RAB3C: variants seen among roughly 807,000 people sequenced by gnomAD.
RAB3C encodes the protein RAB3C, member RAS oncogene family.
A neutral mutation model predicts 26.4 loss-of-function variants in RAB3C; 17 were observed. The ratio of observed to expected loss-of-function variants is 0.64; its 90% confidence interval spans 0.44 to 0.97. RAB3C has a LOEUF of 0.97. Among genes scored for constraint, RAB3C ranks in the 50% least tolerant of loss-of-function variants. RAB3C has a pLI of 0.00. For missense variants in RAB3C, 242 were observed against 281.9 expected (o/e 0.86, Z 1.01); for synonymous variants, 91 against 95.9 (o/e 0.95, Z 0.30).
chr5:58,681,443 A>G (rs1748341719), intron 2 of RAB3C, among the ~76,000 whole-genome samples: 1 of 152,278 alleles, frequency 6.6e-6, no homozygotes, highest in Non-Finnish European at 1.5e-5. Flanking sequence ...GTGATGAAGT[A>G]CTTTTTGTTC....
At chr5:58,610,677 A>T (rs1410517347) in intron 1 of RAB3C, among the ~76,000 whole-genome samples, 1 of 151,904 alleles carries the variant, frequency 6.6e-6, no homozygotes, top group African/African-American at 2.4e-5. Context: ...AATTTACCCT[A>T]GTTCCTCCTT....
chr5:58,788,817 T>C (rs1174104194), intron 3 of RAB3C, among the ~76,000 whole-genome samples: 1 of 152,252 alleles, frequency 6.6e-6, no homozygotes, highest in African/African-American at 2.4e-5. Flanking sequence ...CAATATTTGC[T>C]ACAGAAATCT....
intron 4 of RAB3C, among the ~76,000 whole-genome samples, chr5:58,833,950 C>T (rs1003076803): frequency 4.6e-5 from 7 of 152,028 alleles, no homozygotes; most frequent in African/African-American, 1.7e-4. Context: ...GGTGACCACC[C>T]CTTTCTTTTT....
chr5:58,626,166 G>T (rs747030751), intron 2 of RAB3C, among the ~76,000 whole-genome samples: 2 of 152,102 alleles, frequency 1.3e-5, no homozygotes, highest in African/African-American at 2.4e-5. Flanking sequence ...GTTTCTAGCT[G>T]CTTTCCTTTC....
chr5:58,783,517 G>A (rs1432309296), intron 3 of RAB3C, among the ~76,000 whole-genome samples: 1 of 152,144 alleles, frequency 6.6e-6, no homozygotes, highest in African/African-American at 2.4e-5. Context: ...AGTAATTTGT[G>A]TTTCTGCTGA....
At position 58,853,896 on chromosome 5, in the gene RAB3C, C is replaced by A. The variant is rs1235637403; in HGVS notation, c.*2545C>A. On this transcript the variant is annotated 3_prime_UTR_variant, in exon 5 of 5. Transcript: ENST00000282878. Reference sequence around the variant, plus strand: ...TTAAATGCTCCTGCTGTAATTGCATCAAAAAATCCGGGTTTTAACATCAAA... The same window carrying A: ...TTAAATGCTCCTGCTGTAATTGCATAAAAAAATCCGGGTTTTAACATCAAA... 6.6e-6 allele frequency: 1 copy of A among 152,036 alleles called. No individual in the cohort carries two copies. Among genetic ancestry groups the A allele is most frequent in the African/African-American group, 2.4e-5 (1 of 41,402 alleles). The allele number at this position is 152,036 out of a possible 1,614,324, so 9.4% of individuals were successfully genotyped here. A position where few individuals can be genotyped will look rare whatever the true frequency, so the allele number is the denominator to read the frequency against.
chr5:58,818,803 A>T (rs889211014), intron 3 of RAB3C, among the ~76,000 whole-genome samples: 4 of 152,260 alleles, frequency 2.6e-5, no homozygotes, highest in African/African-American at 9.6e-5. Flanking sequence ...ATGATTGGAA[A>T]TGTGTCCCTC....
intron 4 of RAB3C, among the ~76,000 whole-genome samples, chr5:58,843,865 T>A (rs944284960): frequency 1.4e-4 from 22 of 152,212 alleles, no homozygotes; most frequent in African/African-American, 4.6e-4. Context: ...TCTCTTTCTC[T>A]CCATTTCCCC....
chr5:58,621,945 A>T (rs533901577), intron 2 of RAB3C, among the ~76,000 whole-genome samples: 1 of 152,270 alleles, frequency 6.6e-6, no homozygotes, highest in East Asian at 1.9e-4. Context: ...TTTCTACTTG[A>T]TGGTTTGCTT....
intron 2 of RAB3C, among the ~76,000 whole-genome samples, chr5:58,677,627 A>G (rs1043915043): frequency 8.6e-5 from 10 of 116,260 alleles, no homozygotes; most frequent in Non-Finnish European, 1.8e-4. Context: ...ATTGACACCA[A>G]TGCTCAATAA....
chr5:58,827,212 G>C (rs943846314), intron 4 of RAB3C, among the ~76,000 whole-genome samples: 1 of 152,208 alleles, frequency 6.6e-6, no homozygotes, highest in Non-Finnish European at 1.5e-5. Context: ...CAAAGAAAGA[G>C]AGGGAGGAAA....
At chr5:58,825,400 C>A (rs949968965) in intron 4 of RAB3C, among the ~76,000 whole-genome samples, 1 of 152,150 alleles carries the variant, frequency 6.6e-6, no homozygotes, top group Non-Finnish European at 1.5e-5. Context: ...GGTCTTAGTA[C>A]AAGGTATTTA....
chr5:58,605,387 G>A (rs547585579), intron 1 of RAB3C, among the ~76,000 whole-genome samples: 4 of 152,066 alleles, frequency 2.6e-5, no homozygotes, highest in Non-Finnish European at 5.9e-5. Flanking sequence ...AGATGATTTT[G>A]GTTCTGCATG....
At chr5:58,691,921 T>C (rs1373216406) in intron 2 of RAB3C, among the ~76,000 whole-genome samples, 1 of 152,198 alleles carries the variant, frequency 6.6e-6, no homozygotes, top group African/African-American at 2.4e-5. Context: ...TCACAAAATG[T>C]GATTGTGTTC....
intron 2 of RAB3C, among the ~76,000 whole-genome samples, chr5:58,708,064 C>T (rs556319926): frequency 6.0e-5 from 9 of 150,998 alleles, no homozygotes; most frequent in African/African-American, 1.7e-4. Flanking sequence ...AATCACAGCT[C>T]ACTGTAGCCT....
intron 3 of RAB3C, among the ~76,000 whole-genome samples, chr5:58,731,936 C>A (rs1741032317): frequency 6.6e-6 from 1 of 152,134 alleles, no homozygotes; most frequent in Non-Finnish European, 1.5e-5. Context: ...CATGATAACA[C>A]AGGTGATAGT....
At chr5:58,838,176 C>A (rs187209632) in intron 4 of RAB3C, among the ~76,000 whole-genome samples, 2 of 152,036 alleles carry the variant, frequency 1.3e-5, no homozygotes, top group African/African-American at 4.8e-5. Context: ...GTCAGTAGAC[C>A]GAGACCATCC....
chr5:58,693,700 C>T (rs1387083024), intron 2 of RAB3C, among the ~76,000 whole-genome samples: 1 of 152,128 alleles, frequency 6.6e-6, no homozygotes, highest in Non-Finnish European at 1.5e-5. Context: ...CCCTTGAGTA[C>T]AGTACCTTTT....
rs571621350 is a variant in RAB3C, at chr5:58,617,427, A to G, written c.25-216A>G. 30 of 743,706 alleles carry G rather than the reference A, an allele frequency of 4.0e-5. No individual in the cohort carries two copies. The Middle Eastern group carries it at 9.1e-4, about 23-fold the overall frequency. The allele number at this position is 743,706 out of a possible 1,614,324, so 46.1% of individuals were successfully genotyped here. Reference sequence around the variant, plus strand: ...CAGTGACATGCACCAACACAGCTGGAAAGGCCTGTAAGATTTGCTATTCTG... The same window carrying G: ...CAGTGACATGCACCAACACAGCTGGGAAGGCCTGTAAGATTTGCTATTCTG... On this transcript the variant is annotated intron_variant, in intron 1 of 4. Transcript: ENST00000282878.
Sources: gnomAD v4.1 joint callset for allele counts (sites outside exome capture counted in the v4.1 genomes callset) on GRCh38, gnomAD v4.1.1 for gene constraint, MANE v1.5 for transcripts, NCBI Gene and HGNC (gene_info 2026-07-23, HGNC 2026-07-21) for gene names.